Variants in CTNNA1 observed in about 807,000 individuals in gnomAD.
CTNNA1 encodes catenin alpha 1, also known as catenin alpha-1.
CTNNA1 carries 37 observed loss-of-function variants against 98.4 expected under a neutral mutation model. The observed-to-expected ratio is 0.38, with a 90% confidence interval of 0.29 to 0.49. CTNNA1 has a LOEUF of 0.49. Ranked by LOEUF, CTNNA1 falls within the 20% of genes least tolerant of loss-of-function variation. The pLI is 0.95. For synonymous variants in CTNNA1, 404 were observed against 413.2 expected, an observed-to-expected ratio of 0.98 and a Z score of 0.27; for missense variants, 761 against 1,147.2, an observed-to-expected ratio of 0.66 and a Z score of 4.86.
chr5:138,919,413 C>T (rs531938733), intron 11 of CTNNA1, among the ~76,000 whole-genome samples: 8 of 152,126 alleles, frequency 5.3e-5, no homozygotes, highest in Non-Finnish European at 1.2e-4. Context: ...CTCCTTACAG[C>T]CAAATAAAAT....
At chr5:138,914,163 A>G (rs1316362088) in intron 10 of CTNNA1, among the ~76,000 whole-genome samples, 3 of 152,248 alleles carry the variant, frequency 2.0e-5, no homozygotes, top group East Asian at 3.8e-4. Flanking sequence ...TGTATGCGAT[A>G]TATTACAAAG....
intron 3 of CTNNA1, among the ~76,000 whole-genome samples, chr5:138,796,889 T>TA (rs1757042202): frequency 6.6e-6 from 1 of 152,208 alleles, no homozygotes; most frequent in African/African-American, 2.4e-5. Context: ...TATGCTCCTG[T>TA]AAAATGTTCT....
intron 3 of CTNNA1, 21 bp from the exon 4 acceptor site, chr5:138,810,017 G>A (rs1758510161): frequency 6.3e-7 from 1 of 1,580,174 alleles, no homozygotes; most frequent in Non-Finnish European, 8.7e-7. Flanking sequence ...TGCTGAGTTT[G>A]TTTTTCATTC....
chr5:138,816,528 C>CTGGTGGG (rs1258260098), intron 5 of CTNNA1, among the ~76,000 whole-genome samples: 8 of 152,266 alleles, frequency 5.3e-5, no homozygotes, highest in Admixed American at 4.6e-4. Context: ...CCTGCATTCC[C>CTGGTGGG]ACCAGCATTT....
At chr5:138,893,447 C>A (rs1755961245) in intron 9 of CTNNA1, among the ~76,000 whole-genome samples, 1 of 151,994 alleles carries the variant, frequency 6.6e-6, no homozygotes, top group African/African-American at 2.4e-5. Flanking sequence ...ACCTTATATT[C>A]CATCTCATGT....
At chr5:138,879,221 G>T (rs1230204799) in intron 7 of CTNNA1, among the ~76,000 whole-genome samples, 1 of 145,336 alleles carries the variant, frequency 6.9e-6, no homozygotes, top group Admixed American at 6.9e-5. Context: ...GGAGGTCCTA[G>T]ATGTTGTGTG....
intron 7 of CTNNA1, among the ~76,000 whole-genome samples, chr5:138,882,327 T>C (rs1044032727): frequency 3.9e-5 from 6 of 152,128 alleles, no homozygotes; most frequent in African/African-American, 1.4e-4. Context: ...GCACGGCATG[T>C]CTGAAGAACA....
At chr5:138,757,017 T>G (rs1439875878) in intron 1 of CTNNA1, among the ~76,000 whole-genome samples, 1 of 151,408 alleles carries the variant, frequency 6.6e-6, no homozygotes, top group Non-Finnish European at 1.5e-5. Flanking sequence ...TGAGCAACTT[T>G]ATGAGACCCC....
intron 7 of CTNNA1, among the ~76,000 whole-genome samples, chr5:138,856,280 G>A (rs1763717327): frequency 6.6e-6 from 1 of 152,154 alleles, no homozygotes. Flanking sequence ...CTCTTTTGTA[G>A]TGTGTGAGGG....
intron 10 of CTNNA1, among the ~76,000 whole-genome samples, chr5:138,916,504 G>A (rs1561732490): frequency 6.7e-6 from 1 of 149,344 alleles, no homozygotes. Context: ...CTGGGATTAC[G>A]AGCTCGAGCC....
At chr5:138,930,413 A>G in intron 14 of CTNNA1, 60 bp from the exon 15 acceptor site, 6 of 1,260,680 alleles carry the variant, frequency 4.8e-6, no homozygotes, top group Non-Finnish European at 6.8e-6. Flanking sequence ...TTCTTGGCTA[A>G]TGCACTCTGA....
intron 3 of CTNNA1, among the ~76,000 whole-genome samples, chr5:138,794,548 G>A (rs1470622793): frequency 6.6e-6 from 1 of 152,200 alleles, no homozygotes; most frequent in Admixed American, 6.5e-5. Flanking sequence ...TCATCCTCAT[G>A]TCATAGGGCA....
intron 11 of CTNNA1, among the ~76,000 whole-genome samples, chr5:138,922,130 C>T (rs903266500): frequency 1.3e-5 from 2 of 152,194 alleles, no homozygotes; most frequent in African/African-American, 2.4e-5. Context: ...GACATTCTGA[C>T]ATCTTTTATG....
chr5:138,866,483 A>G (rs73263473), intron 7 of CTNNA1, among the ~76,000 whole-genome samples: 1,974 of 152,092 alleles, frequency 0.013, 48 homozygotes, highest in African/African-American at 0.04. Context: ...GGCTTTGGCA[A>G]TTGTCTCTAG....
chr5:138,909,359 C>A (rs116716227), intron 10 of CTNNA1, among the ~76,000 whole-genome samples: 4 of 151,090 alleles, frequency 2.6e-5, no homozygotes, highest in Non-Finnish European at 3.0e-5. Flanking sequence ...CCTCCCCCCC[C>A]ACCCTTTTTT....
At position 138,934,073 on chromosome 5, in the gene CTNNA1, C is replaced by T. The variant is rs762163053; in HGVS notation, c.2705C>T (p.Ala902Val). 23 of 1,612,316 alleles carry T rather than the reference C, an allele frequency of 1.4e-5. No individual in the cohort carries two copies. Among genetic ancestry groups the T allele is most frequent in the Non-Finnish European group, 1.9e-5 (23 of 1,179,794 alleles). ...NPVQALSEFKAMDSI is the reference protein window; with the variant it reads ...NPVQALSEFKVMDSI The stretch of plus-strand genomic sequence containing the variant: ...GTGCAGGCCCTCAGCGAGTTCAAAG[C>T]TATGGACAGCATCTAAGTCTGCCCA... The change falls in exon 18 of 18, where the codon GCT becomes GTT. Residue 902 changes from alanine (A) to valine (V), a missense_variant. By Grantham distance (64) the Ala-to-Val change is moderately conservative. Coordinates refer to ENST00000302763, the MANE Select transcript of CTNNA1 (RefSeq NM_001903.5).
chr5:138,859,501 A>G (rs553683552), intron 7 of CTNNA1, among the ~76,000 whole-genome samples: 1 of 152,352 alleles, frequency 6.6e-6, no homozygotes, highest in East Asian at 1.9e-4. Context: ...TTGGACGACT[A>G]ATAAACATTC....
chr5:138,754,280 G>C (rs1177292784), intron 1 of CTNNA1: 1 of 150,332 alleles, frequency 6.7e-6, no homozygotes, highest in Non-Finnish European at 1.5e-5. Context: ...GCGTGTGTGT[G>C]CGTGCGAGTG....
At chr5:138,868,876 C>T (rs1378449791) in intron 7 of CTNNA1, 1 of 152,084 alleles carries the variant, frequency 6.6e-6, no homozygotes, top group African/African-American at 2.4e-5. Context: ...TCAAGTTTCA[C>T]ATGTCAAAAT....
Sources: allele counts gnomAD v4.1 joint callset (sites outside exome capture counted in the v4.1 genomes callset), GRCh38; gene constraint gnomAD v4.1.1; transcripts MANE v1.5; gene names NCBI Gene and HGNC (gene_info 2026-07-23, HGNC 2026-07-21).